The following PRKCI variants were observed in gnomAD, a reference collection of about 807,000 sequenced individuals.
The protein encoded by PRKCI is protein kinase C iota, also known as protein kinase C iota type.
PRKCI carries 43 observed loss-of-function variants against 84.0 expected under a neutral mutation model. The observed-to-expected ratio is 0.51, with a 90% confidence interval of 0.40 to 0.66. PRKCI has a LOEUF of 0.66. PRKCI is among the 30% of genes least tolerant of loss of function. The probability of loss-of-function intolerance (pLI) is 0.00; values close to 1 mark genes in which losing one functional copy is unlikely to be tolerated. For synonymous variants in PRKCI, 216 were observed against 234.4 expected (o/e 0.92, Z 0.72); for missense variants, 459 against 745.6 (o/e 0.62, Z 4.48).
rs544143031 is a variant in PRKCI, at chr3:170,282,467, C to T, written c.1067+499C>T. 4.6e-5 allele frequency among the ~76,000 whole-genome samples: 7 copies of T among 152,090 alleles called. No homozygotes were observed. In the East Asian group the frequency reaches 5.8e-4, roughly 13 times the overall value. ...ATCCCAGCACTTTGGGAGGCTGAGG[C>T]GGGCGGATCACCTGAGGTCAGGAGT... is the stretch of plus-strand genomic sequence containing the variant. On this transcript the variant is annotated intron_variant, in intron 11 of 17. Coordinates refer to ENST00000295797, the MANE Select transcript of PRKCI (RefSeq NM_002740.6).
At chr3:170,297,762 G>T (rs187532402) in intron 16 of PRKCI, among the ~76,000 whole-genome samples, 12 of 150,928 alleles carry the variant, frequency 8.0e-5, no homozygotes, top group African/African-American at 2.9e-4. Flanking sequence ...GGCCTATCTC[G>T]GGCCAAATTT....
intron 15 of PRKCI, among the ~76,000 whole-genome samples, 173 bp from the exon 16 acceptor site, chr3:170,297,131 A>G (rs1347610129): frequency 1.3e-5 from 2 of 152,236 alleles, no homozygotes; most frequent in Non-Finnish European, 2.9e-5. Context: ...GAGGAATCAC[A>G]AGTTTCAAAT....
intron 2 of PRKCI, among the ~76,000 whole-genome samples, chr3:170,245,195 C>T (rs904550972): frequency 6.6e-6 from 1 of 151,654 alleles, no homozygotes; most frequent in Non-Finnish European, 1.5e-5. Flanking sequence ...GTTACTGAGT[C>T]CCAACATGGG....
chr3:170,292,521 A>G (rs77823243), intron 13 of PRKCI, among the ~76,000 whole-genome samples: 3,285 of 152,312 alleles, frequency 0.022, 37 homozygotes, highest in South Asian at 0.038. Flanking sequence ...ATAAAGGACA[A>G]TGTGGTACTT....
At chr3:170,240,181 T>G (rs1311219154) in intron 2 of PRKCI, among the ~76,000 whole-genome samples, 1 of 152,026 alleles carries the variant, frequency 6.6e-6, no homozygotes, top group Non-Finnish European at 1.5e-5. Context: ...GATATATGTG[T>G]ATATATATAT....
At chr3:170,228,625 AC>A (rs1264043656) in intron 1 of PRKCI, among the ~76,000 whole-genome samples, 2 of 151,318 alleles carry the variant, frequency 1.3e-5, no homozygotes, top group African/African-American at 4.9e-5. Context: ...ATACACACAC[AC>A]ACACACACAC....
intron 8 of PRKCI, chr3:170,280,008 C>G: frequency 2.7e-6 from 1 of 372,038 alleles, no homozygotes; most frequent in Non-Finnish European, 4.7e-6. Context: ...ACTCCCTCCC[C>G]ATTCTTATTA....
At chr3:170,281,661 C>A in intron 10 of PRKCI, 1 of 495,300 alleles carries the variant, frequency 2.0e-6, no homozygotes, top group Non-Finnish European at 3.4e-6. Context: ...GCAAGTGGTA[C>A]TACTTTAGAA....
In PRKCI at chr3:170,293,490, G is replaced by C; in HGVS notation, c.1399G>C (p.Glu467Gln). 6.2e-7 allele frequency: 1 copy of C among 1,613,658 alleles called. No individual in the cohort carries two copies. The highest frequency in any genetic ancestry group is 8.5e-7 in the Non-Finnish European group (1 of 1,179,772). The change falls in exon 14 of 18, where the codon GAG becomes CAG. Residue 467 changes from glutamate (E) to glutamine (Q), a missense_variant. Transcript: ENST00000295797. Reference sequence around the variant, plus strand: ...CTCCGATAACCCTGACCAGAACACAGAGGATTATCTCTTCCAAGGTAATTT... The same window carrying C: ...CTCCGATAACCCTGACCAGAACACACAGGATTATCTCTTCCAAGGTAATTT... ...GSSDNPDQNTEDYLFQVILEK... is the reference protein window; with the variant it reads ...GSSDNPDQNTQDYLFQVILEK...
intron 16 of PRKCI, 83 bp from the exon 17 acceptor site, chr3:170,298,912 A>T: frequency 2.4e-6 from 2 of 839,154 alleles, no homozygotes; most frequent in Non-Finnish European, 4.0e-6. Context: ...TAATAAGGTA[A>T]ACAATGAGTG....
chr3:170,294,786 A>G (rs1318722333), intron 14 of PRKCI, among the ~76,000 whole-genome samples: 1 of 152,226 alleles, frequency 6.6e-6, no homozygotes, highest in African/African-American at 2.4e-5. Context: ...GATAAATAGT[A>G]TTCAGATTAG....
At position 170,295,933 on chromosome 3, in the gene PRKCI, C is replaced by A; in HGVS notation, c.1440C>A (p.Arg480=). Residue 480 remains arginine, a synonymous_variant, in exon 15 of 18, where the codon CGC becomes CGA. Coordinates refer to ENST00000295797, the MANE Select transcript of PRKCI (RefSeq NM_002740.6). ...TAGTTATTTTGGAAAAACAAATTCG[C>A]ATACCACGTTCTCTGTCTGTAAAAG... The part of the protein sequence containing the change: ...LFQVILEKQI[R]IPRSLSVKAA... 6.4e-7 allele frequency: 1 copy of A among 1,571,008 alleles called. No individual in the cohort carries two copies. The highest frequency in any genetic ancestry group is 8.7e-7 in the Non-Finnish European group (1 of 1,154,078).
rs536262889 is a variant in PRKCI at position 170,299,373 on chromosome 3, G to A, written c.1703+263G>A. ...ACCCTGAGTAGCTGGTACTACAGGC[G>A]CGTGCCGCCACGCCCAGCTAATTTT... On this transcript the variant is annotated intron_variant, in intron 17 of 17. Coordinates refer to ENST00000295797, the MANE Select transcript of PRKCI (RefSeq NM_002740.6). Among the ~76,000 whole-genome samples the A allele has an allele frequency of 1.5e-4, 23 of 152,220 alleles. No homozygotes were observed. In the South Asian group the frequency reaches 3.1e-3, roughly 21 times the overall value.
intron 2 of PRKCI, among the ~76,000 whole-genome samples, chr3:170,246,391 G>C (rs1418428138): frequency 6.6e-6 from 1 of 152,014 alleles, no homozygotes; most frequent in Non-Finnish European, 1.5e-5. Context: ...GACCTCAAGT[G>C]ATCCGCCCGC....
intron 4 of PRKCI, 109 bp downstream of exon 4, chr3:170,263,538 A>C: frequency 2.2e-6 from 2 of 889,402 alleles, no homozygotes; most frequent in Non-Finnish European, 3.5e-6. Flanking sequence ...ACAGTGGCTA[A>C]TGCCTGTAAT....
At chr3:170,252,103 G>T (rs1377664565) in intron 2 of PRKCI, among the ~76,000 whole-genome samples, 1 of 151,596 alleles carries the variant, frequency 6.6e-6, no homozygotes. Context: ...AGTCCCAGCT[G>T]CTGGGGAGGC....
chr3:170,264,187 A>G (rs1222797354), intron 4 of PRKCI, among the ~76,000 whole-genome samples: 1 of 151,104 alleles, frequency 6.6e-6, no homozygotes, highest in Non-Finnish European at 1.5e-5. Context: ...TGGTTATACC[A>G]CTTGAGACTG....
chr3:170,242,663 CTTTTG>C (rs1242130133), intron 2 of PRKCI, among the ~76,000 whole-genome samples: 1 of 151,326 alleles, frequency 6.6e-6, no homozygotes, highest in Non-Finnish European at 1.5e-5. Context: ...TTTAACATTT[CTTTTG>C]TTTTTGTTTT....
intron 4 of PRKCI, among the ~76,000 whole-genome samples, chr3:170,263,865 T>G (rs1347793088): frequency 6.6e-6 from 1 of 152,216 alleles, no homozygotes; most frequent in East Asian, 1.9e-4. Flanking sequence ...TTCAGTCAAT[T>G]TAGAATATAT....
Sources: allele counts gnomAD v4.1 joint callset (sites outside exome capture counted in the v4.1 genomes callset), GRCh38; gene constraint gnomAD v4.1.1; transcripts MANE v1.5; gene names NCBI Gene and HGNC (gene_info 2026-07-23, HGNC 2026-07-21).